The following EVC variants were observed in gnomAD, a reference collection of about 807,000 sequenced individuals.
The protein encoded by EVC is evC complex member EVC.
A neutral mutation model predicts 118.9 loss-of-function variants in EVC; 116 were observed. That is an observed-to-expected ratio of 0.98 (90% CI 0.84 to 1.14). The LOEUF is 1.14. Ranked by LOEUF, EVC falls within the 50% of genes most tolerant of loss-of-function variation. The pLI is 0.00. For synonymous variants in EVC, 619 were observed against 534.7 expected, an observed-to-expected ratio of 1.16 and a Z score of -2.18; for missense variants, 1,401 against 1,246.4, an observed-to-expected ratio of 1.12 and a Z score of -1.87.
rs1209392306 is a variant in EVC, at chr4:5,719,549, A to ATGAGTTT, written c.300+180_300+186dup. Among the ~76,000 whole-genome samples the ATGAGTTT allele has an allele frequency of 1.3e-5, 2 of 152,132 alleles. No individual in the cohort carries two copies. Among genetic ancestry groups the ATGAGTTT allele is most frequent in the East Asian group, 3.9e-4 (2 of 5,180 alleles). On this transcript the variant is annotated intron_variant, in intron 2 of 20. Transcript: ENST00000264956. The surrounding 1 kb of genome is among the most constrained non-coding windows in gnomAD (Gnocchi z 4.7). Reference sequence around the variant, plus strand: ...CGCAGACTTTAGGTTTTACAGTTTGATGAGTTTTGACAATTGCATGCCCCT... The same window carrying ATGAGTTT: ...CGCAGACTTTAGGTTTTACAGTTTGATGAGTTTTGAGTTTTGACAATTGCATGCCCCT...
chr4:5,748,038 A>G, intron 7 of EVC, 110 bp from the exon 8 acceptor site: 3 of 1,209,718 alleles, frequency 2.5e-6, no homozygotes, highest in Non-Finnish European at 3.6e-6. Context: ...AGAATTGTTT[A>G]GAATCTTTGT....
intron 4 of EVC, among the ~76,000 whole-genome samples, 180 bp from the exon 5 acceptor site, chr4:5,733,171 A>C (rs529204775): frequency 6.6e-6 from 1 of 152,096 alleles, no homozygotes; most frequent in Non-Finnish European, 1.5e-5. Context: ...GTGGGTTTCA[A>C]ACAGCTCATT....
intron 6 of EVC, 147 bp downstream of exon 6, chr4:5,741,961 TA>T: frequency 2.1e-6 from 1 of 467,522 alleles, no homozygotes; most frequent in Non-Finnish European, 3.8e-6. Flanking sequence ...AATATAAAAG[TA>T]TGTATACAAA....
chr4:5,759,845 C>T lies in EVC; in HGVS notation c.1563+3483C>T, dbSNP rs547919669. On this transcript the variant is annotated intron_variant, in intron 11 of 20. Coordinates refer to ENST00000264956, the MANE Select transcript of EVC (RefSeq NM_153717.3). ...GGACACAGCCTCAGGAGGGCGCGTCCTGACGACACGCGCCCAAGGGGGTCC... is the reference window on the plus strand; with the variant it reads ...GGACACAGCCTCAGGAGGGCGCGTCTTGACGACACGCGCCCAAGGGGGTCC... Among the ~76,000 whole-genome samples, 19 of 152,306 alleles carry T rather than the reference C, an allele frequency of 1.2e-4. No individual in the cohort carries two copies. The South Asian group carries it at 3.5e-3, about 28-fold the overall frequency.
intron 8 of EVC, among the ~76,000 whole-genome samples, chr4:5,752,383 C>T (rs1463168837): frequency 2.6e-5 from 4 of 152,114 alleles, no homozygotes; most frequent in Non-Finnish European, 4.4e-5. Flanking sequence ...CTGAAAATCT[C>T]GGCCGTCCTC....
Position 5,743,350 on chromosome 4 carries a change from G to A in EVC, c.801+1536G>A, listed in dbSNP as rs556974133. On this transcript the variant is annotated intron_variant, in intron 6 of 20. Coordinates refer to ENST00000264956, the MANE Select transcript of EVC (RefSeq NM_153717.3). This position sits in a 1 kb window ranked among gnomAD's most constrained non-coding sequence, Gnocchi z 4.7. ...CACCATCATTGTCATCATTATTCTCGTTACTACTATCACCAGCCTCTTATT... is the reference window on the plus strand; with the variant it reads ...CACCATCATTGTCATCATTATTCTCATTACTACTATCACCAGCCTCTTATT... Among the ~76,000 whole-genome samples the A allele has an allele frequency of 2.8e-4, 42 of 152,116 alleles. No homozygotes were observed. The highest frequency in any genetic ancestry group is 7.7e-4 in the African/African-American group (32 of 41,496).
At chr4:5,803,605 C>T (rs916359477) in intron 16 of EVC, among the ~76,000 whole-genome samples, 1 of 152,216 alleles carries the variant, frequency 6.6e-6, no homozygotes, top group East Asian at 1.9e-4. Flanking sequence ...TACCCCAGCT[C>T]TCATGCAGGG....
At chr4:5,799,789 A>G (rs1014875583) in intron 15 of EVC, among the ~76,000 whole-genome samples, 4 of 152,094 alleles carry the variant, frequency 2.6e-5, no homozygotes, top group African/African-American at 9.7e-5. Flanking sequence ...CTGGACCCAC[A>G]TTTCTGCAAC....
At chr4:5,810,216 C>G (rs566085706) in intron 19 of EVC, 123 bp from the exon 20 acceptor site, 5 of 768,758 alleles carry the variant, frequency 6.5e-6, no homozygotes, top group Non-Finnish European at 1.2e-5. Flanking sequence ...CATAAGATAC[C>G]AAGCATACAC....
chr4:5,770,389 C>T (rs955395601), intron 11 of EVC, among the ~76,000 whole-genome samples: 1 of 152,174 alleles, frequency 6.6e-6, no homozygotes, highest in Non-Finnish European at 1.5e-5. Flanking sequence ...TCAGACCAAA[C>T]ATTCCAGGGG....
chr4:5,825,920 G>T, the EVC span: 4 of 491,900 alleles, frequency 8.1e-6, no homozygotes, highest in Non-Finnish European at 7.1e-6. This position sits in a 1 kb window ranked among gnomAD's most constrained non-coding sequence, Gnocchi z 4.4. Context: ...CCACGCACAC[G>T]CACTCACATA....
chr4:5,765,945 T>G (rs6852181), intron 11 of EVC, among the ~76,000 whole-genome samples: 37,230 of 113,036 alleles, frequency 0.33, 6,133 homozygotes, highest in East Asian at 0.4. Context: ...ATCCTGTCAT[T>G]ATGATGTTAG....
intron 1 of EVC, among the ~76,000 whole-genome samples, chr4:5,712,987 T>C (rs1723291881): frequency 6.6e-6 from 1 of 152,218 alleles, no homozygotes; most frequent in Non-Finnish European, 1.5e-5. Context: ...GGTGCCACGA[T>C]GAGTAAACAG....
intron 11 of EVC, among the ~76,000 whole-genome samples, chr4:5,761,501 G>A (rs1168837522): frequency 6.6e-6 from 1 of 150,584 alleles, no homozygotes; most frequent in South Asian, 2.1e-4. Context: ...AAGGCGGGGG[G>A]CGGGGGGTGG....
the EVC span, among the ~76,000 whole-genome samples, chr4:5,827,639 C>T: frequency 6.6e-6 from 1 of 152,072 alleles, no homozygotes; most frequent in African/African-American, 2.4e-5. Flanking sequence ...CACACTCCAA[C>T]ACACGCACAC....
At chr4:5,821,699 A>G in the EVC span, 6 of 1,480,006 alleles carry the variant, frequency 4.1e-6, no homozygotes, top group African/African-American at 5.5e-5. The surrounding 1 kb of genome is among the most constrained non-coding windows in gnomAD (Gnocchi z 4.4). Flanking sequence ...AAACACTGAC[A>G]GGAAAAGGGA....
rs778335798 is a variant in EVC, at chr4:5,749,341, G to GGA, written c.1098+1035_1098+1036insGA. Among the ~76,000 whole-genome samples the GGA allele has an allele frequency of 0.18, 22,192 of 121,592 alleles. 2,241 individuals are homozygous for GGA. Among genetic ancestry groups the GGA allele is most frequent in the African/African-American group, 0.24 (7,568 of 31,228 alleles). The allele number at this position is 121,592 out of a possible 152,430, so 79.8% of individuals were successfully genotyped here. A position where few individuals can be genotyped will look rare whatever the true frequency, so the allele number is the denominator to read the frequency against. ...TAACACTAACGATAGCTGATGAGCG[G>GGA]AAAAAAAAAAAAAAAAAAAGGTCCC... On this transcript the variant is annotated intron_variant, in intron 8 of 20. Transcript: ENST00000264956. This position sits in a 1 kb window ranked among gnomAD's most constrained non-coding sequence, Gnocchi z 4.4.
Position 5,798,728 on chromosome 4 carries a change from C to T in EVC, c.2240C>T (p.Ala747Val), listed in dbSNP as rs151091776. ...CACATGGAGTGCGCCATTGGGCAGGCGCTGCTGGTGCATGCACGGAATGCA... is the reference window on the plus strand; with the variant it reads ...CACATGGAGTGCGCCATTGGGCAGGTGCTGCTGGTGCATGCACGGAATGCA... ...QQHMECAIGQ[A>V]LLVHARNAAT... Residue 747 changes from alanine to valine, a missense_variant, in exon 15 of 21, where the codon GCG (alanine) becomes GTG (valine). Coordinates refer to ENST00000264956, the MANE Select transcript of EVC (RefSeq NM_153717.3). The surrounding 1 kb of genome is among the most constrained non-coding windows in gnomAD (Gnocchi z 4.1). The T allele has an allele frequency of 7.0e-5, 113 of 1,610,904 alleles. No homozygotes were observed. The highest frequency in any genetic ancestry group is 9.1e-5 in the Non-Finnish European group (107 of 1,179,860).
chr4:5,749,824 C>G lies in EVC; in HGVS notation c.1098+1518C>G. ...CCTCAGACCCGTGGGAAAGCCAAGC[C>G]TCAACGGATCTTTGCCTCCCCTTGC... On this transcript the variant is annotated intron_variant, in intron 8 of 20. Transcript: ENST00000264956. This position sits in a 1 kb window ranked among gnomAD's most constrained non-coding sequence, Gnocchi z 4.4. Among the ~76,000 whole-genome samples the G allele has an allele frequency of 6.6e-6, 1 of 152,180 alleles. No homozygotes were observed. Among genetic ancestry groups the G allele is most frequent in the East Asian group, 1.9e-4 (1 of 5,194 alleles).
Sources: gnomAD v4.1 joint callset for allele counts (sites outside exome capture counted in the v4.1 genomes callset) on GRCh38, gnomAD v4.1.1 for gene constraint, Gnocchi (gnomAD v3.1) non-coding constraint, MANE v1.5 for transcripts, NCBI Gene and HGNC (gene_info 2026-07-23, HGNC 2026-07-21) for gene names.